Variants in FHL1 observed in about 807,000 individuals in gnomAD.
The protein encoded by FHL1 is four and a half LIM domains protein 1.
In FHL1, 1 loss-of-function variant was observed where a neutral mutation model predicts 20.3. The ratio of observed to expected loss-of-function variants is 0.05; its 90% CI spans 0.02 to 0.23. The LOEUF (loss-of-function observed/expected upper bound fraction) is 0.23, where lower values mean the gene tolerates loss of function less well. Ranked by LOEUF, FHL1 falls within the 10% of genes least tolerant of loss-of-function variation. The pLI is 1.00. For synonymous variants in FHL1, 82 were observed against 88.9 expected, an observed-to-expected ratio of 0.92 and a Z score of 0.44; for missense variants, 177 against 234.0, an observed-to-expected ratio of 0.76 and a Z score of 1.59.
chrX:136,207,377 G>A (rs1005742138), intron 3 of FHL1, 187 bp downstream of exon 3: 2 of 456,873 alleles, frequency 4.4e-6, no homozygotes, highest in Admixed American at 8.1e-5. Flanking sequence ...GCACACACTC[G>A]GAGACTAAAG....
chrX:136,171,219 C>T (rs2072858285), intron 2 of FHL1, among the ~76,000 whole-genome samples: 1 of 111,066 alleles, frequency 9.0e-6, no homozygotes. Context: ...AGCTCTCATT[C>T]ATAGCCTTTA....
intron 2 of FHL1, among the ~76,000 whole-genome samples, chrX:136,180,893 C>A (rs1378326554): frequency 9.0e-6 from 1 of 111,441 alleles, no homozygotes; most frequent in Admixed American, 9.5e-5. Flanking sequence ...AGGCGCTTAC[C>A]ACTACGCCTG....
intron 2 of FHL1, among the ~76,000 whole-genome samples, chrX:136,191,623 T>A (rs1248940057): frequency 8.9e-6 from 1 of 111,890 alleles, no homozygotes; most frequent in Non-Finnish European, 1.9e-5. Context: ...CACCAGTGCA[T>A]AATAAAGTAA....
chrX:136,193,045 T>A (rs1396364021), upstream of FHL1, among the ~76,000 whole-genome samples: 1 of 106,776 alleles, frequency 9.4e-6, no homozygotes, highest in Non-Finnish European at 1.9e-5. Context: ...AGTCTATTAA[T>A]TTATTAGTAG....
At chrX:136,158,406 A>C (rs1180369170) in intron 1 of FHL1, among the ~76,000 whole-genome samples, 2 of 111,547 alleles carry the variant, frequency 1.8e-5, no homozygotes, top group African/African-American at 6.5e-5. Flanking sequence ...TTCTGTTGCT[A>C]TTACTTCGGC....
chrX:136,149,484 T>C (rs926729777), intron 1 of FHL1, among the ~76,000 whole-genome samples: 3 of 112,400 alleles, frequency 2.7e-5, no homozygotes, highest in African/African-American at 9.7e-5. Context: ...ATAATCTTTA[T>C]GCAACAGGAA....
At position 136,209,550 on chromosome X, in the gene FHL1, C is replaced by T. The variant is rs757498351; in HGVS notation, c.737-321C>T. On this transcript the variant is annotated intron_variant, in intron 5 of 5. Transcript: ENST00000370683. ...CTGGTTATGCTGGGAGGTCGGTGCG[C>T]GTCACAGGGCAATAGCGTGGTGGCA... The T allele has an allele frequency of 2.6e-4, 209 of 805,462 alleles. 1 individual carries two copies. In the Middle Eastern group the frequency reaches 4.5e-3, roughly 17 times the overall value. The allele number at this position is 805,462 out of a possible 1,213,427, so 66.4% of individuals were successfully genotyped here. A position where few individuals can be genotyped will look rare whatever the true frequency, so the allele number is the denominator to read the frequency against.
upstream of FHL1, chrX:136,147,397 C>T (rs898870441): frequency 2.0e-5 from 2 of 101,630 alleles, no homozygotes; most frequent in Admixed American, 2.0e-4. Flanking sequence ...GCGCGCGCCC[C>T]GCCCCGCCCC....
chrX:136,211,088 ATTCCTAGGACTT>A lies in FHL1; in HGVS notation c.*1069_*1080del, dbSNP rs1024260188. ...GGACTGCAAAGTCCCTTCTGTTGTG[ATTCCTAGGACTT>A]TTCCTCAAGAGGAAATCTGGATTTC... On this transcript the variant is annotated 3_prime_UTR_variant, in exon 6 of 6. Transcript: ENST00000370683. 3 of 374,571 alleles carry A rather than the reference ATTCCTAGGACTT, an allele frequency of 8.0e-6. No individual in the cohort carries two copies. Among genetic ancestry groups the A allele is most frequent in the African/African-American group, 5.0e-5 (2 of 39,868 alleles). 30.9% of individuals were successfully genotyped at this position (374,571 alleles called of 1,213,427 possible).
intron 2 of FHL1, among the ~76,000 whole-genome samples, chrX:136,172,772 G>A (rs758021827): frequency 8.9e-6 from 1 of 111,904 alleles, no homozygotes; most frequent in Admixed American, 9.4e-5. Flanking sequence ...TCACTCTGTC[G>A]CCCAGGCTGG....
intron 1 of FHL1, among the ~76,000 whole-genome samples, chrX:136,204,017 T>C (rs2073779400): frequency 8.9e-6 from 1 of 112,426 alleles, no homozygotes. Context: ...CAAAGTTGTA[T>C]ACTAAATAGA....
At chrX:136,180,289 G>T (rs2073121198) in intron 2 of FHL1, among the ~76,000 whole-genome samples, 1 of 112,145 alleles carries the variant, frequency 8.9e-6, no homozygotes, top group Non-Finnish European at 1.9e-5. Context: ...GCAGTTGAGG[G>T]GCTTGTGGAT....
At chrX:136,207,272 G>T in intron 3 of FHL1, 82 bp downstream of exon 3, 1 of 1,000,260 alleles carries the variant, frequency 1.0e-6, no homozygotes, top group Non-Finnish European at 1.4e-6. Context: ...TCATGGTGGG[G>T]CTAACGTTGC....
intron 1 of FHL1, among the ~76,000 whole-genome samples, chrX:136,159,883 C>G (rs1307916822): frequency 8.9e-6 from 1 of 111,945 alleles, no homozygotes; most frequent in Non-Finnish European, 1.9e-5. Context: ...GCAACAGTGA[C>G]AGTTGGTGAA....
At chrX:136,185,819 G>A (rs1269524264) in intron 2 of FHL1, among the ~76,000 whole-genome samples, 3 of 111,817 alleles carry the variant, frequency 2.7e-5, no homozygotes, top group Non-Finnish European at 5.6e-5. Flanking sequence ...AACGTGGATG[G>A]TGTTTTGTTT....
chrX:136,183,734 A>T (rs917205451), intron 2 of FHL1, among the ~76,000 whole-genome samples: 2 of 112,075 alleles, frequency 1.8e-5, no homozygotes, highest in Non-Finnish European at 3.8e-5. Flanking sequence ...ATACATAAAA[A>T]TTGATGGGAC....
upstream of FHL1, among the ~76,000 whole-genome samples, chrX:136,195,842 T>C (rs1364063002): frequency 1.8e-5 from 2 of 111,821 alleles, no homozygotes; most frequent in Non-Finnish European, 3.8e-5. Context: ...ACAGTGGCTA[T>C]AAAGGTGTCT....
chrX:136,185,390 C>T (rs1451785700), intron 2 of FHL1, among the ~76,000 whole-genome samples: 1 of 112,052 alleles, frequency 8.9e-6, no homozygotes, highest in Non-Finnish European at 1.9e-5. Context: ...GGCTGGGGAT[C>T]CCTGTTTTAA....
intron 1 of FHL1, among the ~76,000 whole-genome samples, chrX:136,201,427 C>T (rs1373011195): frequency 3.6e-5 from 4 of 111,529 alleles, no homozygotes; most frequent in African/African-American, 1.3e-4. Flanking sequence ...TTACTTTAAG[C>T]GATTTTTCCC....
Sources: gnomAD v4.1 joint callset for allele counts (sites outside exome capture counted in the v4.1 genomes callset) on GRCh38, gnomAD v4.1.1 for gene constraint, MANE v1.5 for transcripts, NCBI Gene and HGNC (gene_info 2026-07-23, HGNC 2026-07-21) for gene names.